The following SPAG17 variants were observed in gnomAD, a reference collection of about 807,000 sequenced individuals.
The protein encoded by SPAG17 is sperm-associated antigen 17.
A neutral mutation model predicts 273.6 loss-of-function variants in SPAG17; 169 were observed. That is an observed-to-expected ratio of 0.62 (90% CI 0.55 to 0.70). SPAG17 has a LOEUF of 0.70. Ranked by LOEUF, SPAG17 falls within the 30% of genes least tolerant of loss-of-function variation. The pLI is 0.00. For missense variants in SPAG17, 2,557 were observed against 2,627.8 expected (o/e 0.97, Z 0.59); for synonymous variants, 825 against 873.2 (o/e 0.94, Z 0.97).
At chr1:117,999,510 G>A (rs1244288813) in intron 32 of SPAG17, among the ~76,000 whole-genome samples, 7 of 152,088 alleles carry the variant, frequency 4.6e-5, no homozygotes, top group Admixed American at 2.6e-4. Flanking sequence ...ACTTTTTAAC[G>A]ATTGCCATTC....
At chr1:118,073,285 T>C (rs1041888538) in intron 17 of SPAG17, among the ~76,000 whole-genome samples, 1 of 152,224 alleles carries the variant, frequency 6.6e-6, no homozygotes, top group African/African-American at 2.4e-5. Context: ...CATGTTACCT[T>C]GGACAAAAGT....
chr1:118,139,145 A>G (rs1378093457), intron 3 of SPAG17, among the ~76,000 whole-genome samples: 3 of 152,214 alleles, frequency 2.0e-5, no homozygotes, highest in African/African-American at 7.2e-5. Flanking sequence ...AAAATGGGCA[A>G]GAGACCTGGG....
chr1:117,969,395 A>G (rs1654291482), intron 46 of SPAG17, among the ~76,000 whole-genome samples: 1 of 152,138 alleles, frequency 6.6e-6, no homozygotes, highest in Non-Finnish European at 1.5e-5. Flanking sequence ...CCTGACTAGC[A>G]TGGTGAAACC....
chr1:118,016,013 G>C lies in SPAG17; in HGVS notation c.4239C>G (p.Asp1413Glu). The change falls in exon 29 of 49, where the codon GAC (aspartate) becomes GAG (glutamate). Residue 1413 changes from aspartate (D) to glutamate (E), a missense_variant. By Grantham distance (45) the Asp-to-Glu change is conservative (BLOSUM62 2). Coordinates refer to ENST00000336338, the MANE Select transcript of SPAG17 (RefSeq NM_206996.4). ...CCTGAAAGGATAACAATGGGGTCAA[G>C]TCTGCTATTCTTTCTAATCCTTTGG... ...IGTKGLERIA[D>E]LTPLLSFQAT... is the part of the protein sequence containing the mutation. 6.2e-7 allele frequency: 1 copy of C among 1,614,016 alleles called. No homozygotes were observed. Among genetic ancestry groups the C allele is most frequent in the Non-Finnish European group, 8.5e-7 (1 of 1,179,952 alleles).
At chr1:118,132,343 A>G (rs1046289224) in intron 3 of SPAG17, among the ~76,000 whole-genome samples, 2 of 152,178 alleles carry the variant, frequency 1.3e-5, no homozygotes, top group Non-Finnish European at 2.9e-5. Flanking sequence ...CAGAGAAAGT[A>G]GCATATTCAG....
chr1:117,979,448 A>T (rs1462259447), intron 43 of SPAG17, among the ~76,000 whole-genome samples: 1 of 151,902 alleles, frequency 6.6e-6, no homozygotes, highest in Non-Finnish European at 1.5e-5. Context: ...CCTTCTCACC[A>T]TTCCCTCTTC....
intron 3 of SPAG17, among the ~76,000 whole-genome samples, chr1:118,119,788 C>T (rs982871619): frequency 1.3e-5 from 2 of 152,080 alleles, no homozygotes; most frequent in South Asian, 2.1e-4. Context: ...AGAGTATAAT[C>T]GTTCTTTACC....
intron 1 of SPAG17, among the ~76,000 whole-genome samples, chr1:118,166,501 A>C (rs1040262082): frequency 6.6e-6 from 1 of 152,230 alleles, no homozygotes; most frequent in African/African-American, 2.4e-5. Flanking sequence ...TATACAAGAC[A>C]TGAAATAAAT....
intron 1 of SPAG17, among the ~76,000 whole-genome samples, chr1:118,151,894 A>G (rs947755992): frequency 1.3e-5 from 2 of 152,236 alleles, no homozygotes; most frequent in African/African-American, 4.8e-5. Context: ...ACTGCTAATT[A>G]CACTCCCAAG....
chr1:118,072,063 G>C (rs899044234), intron 17 of SPAG17, among the ~76,000 whole-genome samples: 6 of 152,162 alleles, frequency 3.9e-5, no homozygotes, highest in African/African-American at 1.4e-4. Flanking sequence ...AAATCTTCCA[G>C]GGAGAGGATC....
intron 10 of SPAG17, among the ~76,000 whole-genome samples, chr1:118,087,729 C>G (rs938665152): frequency 3.3e-5 from 5 of 152,136 alleles, no homozygotes; most frequent in Non-Finnish European, 7.4e-5. Flanking sequence ...AGTTAGGCAC[C>G]TAATTTACAG....
At chr1:118,049,420 T>G (rs112194233) in intron 20 of SPAG17, among the ~76,000 whole-genome samples, 9 of 152,318 alleles carry the variant, frequency 5.9e-5, no homozygotes, top group African/African-American at 1.9e-4. Context: ...TGATTCAACC[T>G]ATTCAAGTCA....
intron 3 of SPAG17, among the ~76,000 whole-genome samples, chr1:118,134,458 C>T (rs1462096517): frequency 1.3e-5 from 2 of 152,110 alleles, no homozygotes; most frequent in African/African-American, 4.8e-5. Flanking sequence ...AAATTTTCTG[C>T]AGTTAACATG....
chr1:117,977,023 A>G (rs2101558498), intron 43 of SPAG17, among the ~76,000 whole-genome samples: 1 of 152,238 alleles, frequency 6.6e-6, no homozygotes, highest in East Asian at 1.9e-4. Flanking sequence ...TAAATAAAAT[A>G]TTCAGGCTGG....
chr1:118,101,636 A>T, intron 5 of SPAG17, 104 bp downstream of exon 5: 1 of 1,139,154 alleles, frequency 8.8e-7, no homozygotes, highest in Non-Finnish European at 1.3e-6. Context: ...AATTGGCGTC[A>T]GGAAACTATG....
chr1:118,150,478 A>G (rs938050860), intron 3 of SPAG17, 65 bp downstream of exon 3: 6 of 868,198 alleles, frequency 6.9e-6, no homozygotes, highest in Non-Finnish European at 1.0e-5. Flanking sequence ...AATGGCTATC[A>G]AATTATTACT....
At chr1:118,143,164 T>A (rs911197904) in intron 3 of SPAG17, among the ~76,000 whole-genome samples, 4 of 152,222 alleles carry the variant, frequency 2.6e-5, no homozygotes, top group Non-Finnish European at 5.9e-5. Context: ...TTTGCCTGAG[T>A]AGAAGGAAAA....
chr1:118,008,157 G>A lies in SPAG17; in HGVS notation c.4474C>T (p.Arg1492Trp), dbSNP rs764123516. Residue 1492 changes from arginine (R) to tryptophan (W), a missense_variant, in exon 31 of 49, where the codon CGG (arginine) becomes TGG (tryptophan). Transcript: ENST00000336338. ...RTVTRQVKCM[R>W]VESSRYATVI... ...GTGGCATAGCGTGAGCTTTCTACCC[G>A]CATACACTTCACCTGCCTGGTGACA... The A allele has an allele frequency of 1.5e-5, 25 of 1,613,856 alleles. No homozygotes were observed. The highest frequency in any genetic ancestry group is 1.8e-5 in the Non-Finnish European group (21 of 1,179,962).
intron 7 of SPAG17, among the ~76,000 whole-genome samples, chr1:118,096,751 A>G (rs74113551): frequency 6.6e-6 from 1 of 152,178 alleles, no homozygotes; most frequent in East Asian, 1.9e-4. Context: ...AGTATGTTTC[A>G]CATAACTGAG....
Sources: gnomAD v4.1 joint callset for allele counts (sites outside exome capture counted in the v4.1 genomes callset) on GRCh38, gnomAD v4.1.1 for gene constraint, MANE v1.5 for transcripts, NCBI Gene and HGNC (gene_info 2026-07-23, HGNC 2026-07-21) for gene names.